MAF: variants seen among roughly 807,000 people sequenced by gnomAD.
MAF encodes the protein MAF bZIP transcription factor.
Under a neutral mutation model 22.0 loss-of-function variants are expected in MAF, and 10 were observed. The ratio of observed to expected loss-of-function variants is 0.45; its 90% confidence interval spans 0.28 to 0.77. The LOEUF is 0.77. MAF is among the 30% of genes least tolerant of loss of function. The pLI, the probability that MAF is intolerant of heterozygous loss-of-function variation, is 0.12. For synonymous variants in MAF, 337 were observed against 255.8 expected (o/e 1.32, Z -3.03); for missense variants, 544 against 548.4 (o/e 0.99, Z 0.08).
chr16:79,340,971 T>C, the MAF span, among the ~76,000 whole-genome samples: 1 of 152,128 alleles, frequency 6.6e-6, no homozygotes. Context: ...ACATTTAAGA[T>C]GGGACCTCAA....
chr16:79,455,198 A>G, the MAF span, among the ~76,000 whole-genome samples: 4 of 152,106 alleles, frequency 2.6e-5, no homozygotes, highest in Non-Finnish European at 4.4e-5. Context: ...AGATCATCAT[A>G]CCTAGACTAT....
At chr16:79,537,879 G>A in the MAF span, among the ~76,000 whole-genome samples, 1,914 of 152,204 alleles carry the variant, frequency 0.013, 43 homozygotes, top group African/African-American at 0.044. Context: ...CTGAATTCCT[G>A]GCTTGATGTA....
At chr16:79,452,221 A>G in the MAF span, among the ~76,000 whole-genome samples, 2 of 152,228 alleles carry the variant, frequency 1.3e-5, no homozygotes, top group African/African-American at 4.8e-5. Context: ...AGATAATTTT[A>G]TGTGGAGAAA....
intron 1 of MAF, chr16:79,596,311 T>C (rs2143772874): frequency 1.9e-6 from 2 of 1,059,684 alleles, no homozygotes; most frequent in Non-Finnish European, 2.3e-6. Context: ...TGCTAATCAG[T>C]ATATGGGGCC....
At chr16:79,550,507 C>T in the MAF span, among the ~76,000 whole-genome samples, 1 of 152,152 alleles carries the variant, frequency 6.6e-6, no homozygotes, top group Admixed American at 6.6e-5. Flanking sequence ...AACAGCTCAC[C>T]ATGTGACCCA....
the MAF span, among the ~76,000 whole-genome samples, chr16:79,518,647 A>G: frequency 9.9e-5 from 15 of 152,258 alleles, no homozygotes; most frequent in South Asian, 6.2e-4. Flanking sequence ...TAGTAAAGTT[A>G]TCGTGAGGAT....
At chr16:79,578,817 G>A in the MAF span, among the ~76,000 whole-genome samples, 3 of 152,108 alleles carry the variant, frequency 2.0e-5, no homozygotes, top group Non-Finnish European at 4.4e-5. Flanking sequence ...GCAGCAAAAT[G>A]GGAAAATACC....
chr16:79,320,568 G>A, the MAF span, among the ~76,000 whole-genome samples: 3 of 152,162 alleles, frequency 2.0e-5, no homozygotes, highest in Non-Finnish European at 4.4e-5. Context: ...CTTATGCAAC[G>A]TTGTCTCTCG....
At chr16:79,519,822 C>G in the MAF span, among the ~76,000 whole-genome samples, 276 of 152,370 alleles carry the variant, frequency 1.8e-3, 1 homozygote, top group African/African-American at 6.3e-3. Flanking sequence ...GTCCTGTGAT[C>G]TGTCACCATG....
chr16:79,595,433 G>T lies in MAF; in HGVS notation c.1119-880C>A, dbSNP rs886624731. ...ATTATCTTTTTTTCTTTTAAGAACG[G>T]CAGAAAACAAAACAAAAGTCATCGT... On this transcript the variant is annotated intron_variant, in intron 1 of 1. Transcript: ENST00000326043. 5 of 1,055,790 alleles carry T rather than the reference G, an allele frequency of 4.7e-6. No homozygotes were observed. The South Asian group carries it at 1.4e-4, about 29-fold the overall frequency. The allele number at this position is 1,055,790 out of a possible 1,614,324, so 65.4% of individuals were successfully genotyped here. A position where few individuals can be genotyped will look rare whatever the true frequency, so the allele number is the denominator to read the frequency against.
chr16:79,373,679 G>C, the MAF span, among the ~76,000 whole-genome samples: 1 of 151,886 alleles, frequency 6.6e-6, no homozygotes, highest in South Asian at 2.1e-4. Context: ...CATCCAGCCT[G>C]GTAGCTTCAT....
chr16:79,464,753 C>T, the MAF span, among the ~76,000 whole-genome samples: 489 of 152,250 alleles, frequency 3.2e-3, 2 homozygotes, highest in African/African-American at 0.011. Flanking sequence ...GGGTCAAGGT[C>T]GATTCCCAAA....
the MAF span, among the ~76,000 whole-genome samples, chr16:79,541,960 C>G: frequency 6.6e-6 from 1 of 152,068 alleles, no homozygotes; most frequent in Non-Finnish European, 1.5e-5. Flanking sequence ...CCGGTTACTA[C>G]TAGGGTTTTG....
At chr16:79,210,567 C>G in the MAF span, among the ~76,000 whole-genome samples, 4 of 152,128 alleles carry the variant, frequency 2.6e-5, no homozygotes, top group African/African-American at 7.2e-5. Flanking sequence ...CTTGCAACCC[C>G]TCTCCCTCTC....
At chr16:79,517,028 AT>A in the MAF span, among the ~76,000 whole-genome samples, 152 of 149,330 alleles carry the variant, frequency 1.0e-3, no homozygotes, top group Middle Eastern at 0.014. Context: ...AAGTTTTTTT[AT>A]TTTTTTTTTC....
At chr16:79,367,380 A>T in the MAF span, among the ~76,000 whole-genome samples, 1 of 152,186 alleles carries the variant, frequency 6.6e-6, no homozygotes, top group Non-Finnish European at 1.5e-5. Context: ...TGCAGTTACC[A>T]TCTGTAGAAA....
At chr16:79,388,226 G>C in the MAF span, among the ~76,000 whole-genome samples, 1 of 150,070 alleles carries the variant, frequency 6.7e-6, no homozygotes, top group African/African-American at 2.5e-5. Context: ...CATTTGTCTG[G>C]GTTATGTGTG....
chr16:79,220,634 G>C, the MAF span, among the ~76,000 whole-genome samples: 2 of 152,024 alleles, frequency 1.3e-5, no homozygotes, highest in African/African-American at 4.8e-5. Context: ...ATAAATCGTG[G>C]TTTAGTAAAT....
the MAF span, among the ~76,000 whole-genome samples, chr16:79,485,269 T>C: frequency 6.6e-6 from 1 of 152,170 alleles, no homozygotes; most frequent in Admixed American, 6.6e-5. Flanking sequence ...GAAATAATAA[T>C]ACTACTTGCC....
Sources: gnomAD v4.1 joint callset for allele counts (sites outside exome capture counted in the v4.1 genomes callset) on GRCh38, gnomAD v4.1.1 for gene constraint, MANE v1.5 for transcripts, NCBI Gene and HGNC (gene_info 2026-07-23, HGNC 2026-07-21) for gene names.